The following CNTN4 variants were observed in gnomAD, a reference collection of about 807,000 sequenced individuals.
CNTN4 encodes the protein contactin 4.
CNTN4 carries 77 observed loss-of-function variants against 122.5 expected under a neutral mutation model. That is an observed-to-expected ratio of 0.63 (90% CI 0.52 to 0.76). The LOEUF is 0.76. Among genes scored for constraint, CNTN4 ranks in the 30% least tolerant of loss-of-function variants. The pLI is 0.00. For missense variants in CNTN4, 1,256 were observed against 1,259.1 expected, an observed-to-expected ratio of 1.00 and a Z score of 0.04; for synonymous variants, 512 against 447.0, an observed-to-expected ratio of 1.15 and a Z score of -1.83.
chr3:2,189,942 A>T (rs193171121), intron 2 of CNTN4, among the ~76,000 whole-genome samples: 3 of 152,156 alleles, frequency 2.0e-5, no homozygotes, highest in African/African-American at 7.2e-5. Flanking sequence ...TCCTCAAATC[A>T]GTTGTGACAC....
intron 13 of CNTN4, among the ~76,000 whole-genome samples, chr3:2,951,610 CT>C (rs2094746100): frequency 6.6e-6 from 1 of 152,222 alleles, no homozygotes; most frequent in African/African-American, 2.4e-5. Context: ...TAGATATTTA[CT>C]GTCTTCTCCA....
chr3:2,458,492 G>A (rs2049081751), intron 3 of CNTN4, among the ~76,000 whole-genome samples: 2 of 152,062 alleles, frequency 1.3e-5, no homozygotes, highest in Admixed American at 6.6e-5. Flanking sequence ...TCTTCATTAA[G>A]TTTAAAGATA....
chr3:2,988,495 C>A (rs201430000), intron 14 of CNTN4, 23 bp downstream of exon 14: 3 of 1,612,640 alleles, frequency 1.9e-6, no homozygotes, highest in South Asian at 1.1e-5. Context: ...CCAAAGAATT[C>A]GAATATTTAT....
chr3:2,567,409 C>T (rs529001307), intron 3 of CNTN4, among the ~76,000 whole-genome samples: 31 of 152,206 alleles, frequency 2.0e-4, no homozygotes, highest in Non-Finnish European at 3.7e-4. Flanking sequence ...CTTTAATATA[C>T]GTTCAAAGAT....
At chr3:2,311,696 C>T (rs1026277411) in intron 2 of CNTN4, among the ~76,000 whole-genome samples, 1 of 152,056 alleles carries the variant, frequency 6.6e-6, no homozygotes, top group Non-Finnish European at 1.5e-5. Context: ...ATTTAATCTA[C>T]TGTCTGTATA....
chr3:2,887,333 G>A, intron 10 of CNTN4, 109 bp downstream of exon 10: 1 of 1,046,488 alleles, frequency 9.6e-7, no homozygotes, highest in East Asian at 2.5e-5. Flanking sequence ...TGCAGAATAG[G>A]ACTGTGTGAA....
In CNTN4 at chr3:2,903,254, A is replaced by G. The variant is rs552438233; in HGVS notation, c.1207+249A>G. On this transcript the variant is annotated intron_variant, in intron 12 of 24. Coordinates refer to ENST00000418658, the MANE Select transcript of CNTN4 (RefSeq NM_175607.3). ...CCTTGGCACTCATTTTTATTCCTCT[A>G]TTGACTGCACTTCTAAATTGAGCAA... 7.9e-5 allele frequency among the ~76,000 whole-genome samples: 12 copies of G among 152,228 alleles called. No individual in the cohort carries two copies. In the South Asian group the frequency reaches 1.7e-3, roughly 21 times the overall value.
chr3:2,760,032 C>T (rs963982078), intron 6 of CNTN4, among the ~76,000 whole-genome samples: 1 of 152,154 alleles, frequency 6.6e-6, no homozygotes, highest in South Asian at 2.1e-4. Flanking sequence ...GCCCAGTTAT[C>T]TTTTCATTGT....
intron 3 of CNTN4, among the ~76,000 whole-genome samples, chr3:2,484,788 C>T (rs928568989): frequency 6.6e-6 from 1 of 152,232 alleles, no homozygotes; most frequent in Non-Finnish European, 1.5e-5. Context: ...TCCGCACCTC[C>T]TCAGCCTCTG....
At chr3:2,231,579 G>A (rs2039489894) in intron 2 of CNTN4, among the ~76,000 whole-genome samples, 2 of 152,128 alleles carry the variant, frequency 1.3e-5, no homozygotes, top group South Asian at 4.1e-4. Context: ...AACAAAATTA[G>A]AAGATTTCTG....
intron 14 of CNTN4, among the ~76,000 whole-genome samples, chr3:2,996,990 A>G (rs995168546): frequency 7.9e-5 from 12 of 152,192 alleles, no homozygotes; most frequent in African/African-American, 2.9e-4. Context: ...TTTAAAGTAC[A>G]TCTGTCATCT....
chr3:2,543,882 C>T (rs1443208414), intron 3 of CNTN4, among the ~76,000 whole-genome samples: 2 of 152,110 alleles, frequency 1.3e-5, no homozygotes, highest in Non-Finnish European at 2.9e-5. Flanking sequence ...GATTTCCACA[C>T]AGTGGACTTT....
intron 14 of CNTN4, among the ~76,000 whole-genome samples, chr3:3,009,862 T>G (rs1330256469): frequency 6.6e-6 from 1 of 152,198 alleles, no homozygotes; most frequent in East Asian, 1.9e-4. Flanking sequence ...CGTGAACATG[T>G]AGATGAAGTT....
chr3:2,451,730 C>T (rs2048837542), intron 3 of CNTN4, among the ~76,000 whole-genome samples: 1 of 151,924 alleles, frequency 6.6e-6, no homozygotes, highest in African/African-American at 2.4e-5. Flanking sequence ...GTAAGTATTC[C>T]ATTTTCATGG....
chr3:2,304,295 A>C (rs886573258), intron 2 of CNTN4, among the ~76,000 whole-genome samples: 5 of 152,296 alleles, frequency 3.3e-5, no homozygotes, highest in Admixed American at 3.3e-4. Flanking sequence ...CATGTAGCTT[A>C]GTTACAATGC....
chr3:2,584,426 G>A (rs961232168), intron 4 of CNTN4, among the ~76,000 whole-genome samples: 6 of 151,978 alleles, frequency 3.9e-5, no homozygotes, highest in African/African-American at 7.3e-5. Flanking sequence ...TAGGTCTGCC[G>A]GGCACAGTGG....
At chr3:2,251,612 A>G (rs1489296452) in intron 2 of CNTN4, among the ~76,000 whole-genome samples, 5 of 151,806 alleles carry the variant, frequency 3.3e-5, no homozygotes, top group African/African-American at 4.8e-5. Flanking sequence ...TGGATAGGAG[A>G]GAAATGAAGC....
chr3:2,390,215 A>AGTGTGTGTGTGTGTGT lies in CNTN4; in HGVS notation c.-89+51003_-89+51018dup, dbSNP rs142190283. On this transcript the variant is annotated intron_variant, in intron 3 of 24. Transcript: ENST00000418658. The stretch of plus-strand genomic sequence containing the variant: ...ACTGTCAATGGGTTTAGGAAAAAAG[A>AGTGTGTGTGTGTGTGT]GTGTGTGTGTGTGTGTGTGTGTGTG... Among the ~76,000 whole-genome samples the AGTGTGTGTGTGTGTGT allele has an allele frequency of 3.1e-3, 455 of 144,864 alleles. 7 individuals carry two copies. Among genetic ancestry groups the AGTGTGTGTGTGTGTGT allele is most frequent in the African/African-American group, 0.011 (436 of 39,114 alleles).
intron 3 of CNTN4, among the ~76,000 whole-genome samples, chr3:2,391,608 TA>T (rs1259603058): frequency 1.3e-5 from 2 of 152,252 alleles, no homozygotes; most frequent in African/African-American, 2.4e-5. Context: ...GGAAGTATAA[TA>T]AATAAAGGAT....
Sources: gnomAD v4.1 joint callset for allele counts (sites outside exome capture counted in the v4.1 genomes callset) on GRCh38, gnomAD v4.1.1 for gene constraint, MANE v1.5 for transcripts, NCBI Gene and HGNC (gene_info 2026-07-23, HGNC 2026-07-21) for gene names.